MBNL2: variants seen among roughly 807,000 people sequenced by gnomAD.
MBNL2 encodes muscleblind-like protein 2.
A neutral mutation model predicts 41.9 loss-of-function variants in MBNL2; 17 were observed. That is an observed-to-expected ratio of 0.41 (90% CI 0.28 to 0.61). The LOEUF (loss-of-function observed/expected upper bound fraction) is 0.61. MBNL2 is among the 20% of genes least tolerant of loss of function. The probability of loss-of-function intolerance (pLI) is 0.35; values close to 1 mark genes in which losing one functional copy is unlikely to be tolerated. For synonymous variants in MBNL2, 195 were observed against 182.9 expected, an observed-to-expected ratio of 1.07 and a Z score of -0.53; for missense variants, 336 against 505.6, an observed-to-expected ratio of 0.66 and a Z score of 3.22.
intron 8 of MBNL2, among the ~76,000 whole-genome samples, chr13:97,377,306 G>T (rs2065050257): frequency 6.6e-6 from 1 of 152,192 alleles, no homozygotes; most frequent in Non-Finnish European, 1.5e-5. Flanking sequence ...ATGAGGAAAA[G>T]GACCTAGAGT....
At chr13:97,206,442 T>A in the MBNL2 span, among the ~76,000 whole-genome samples, 1 of 152,016 alleles carries the variant, frequency 6.6e-6, no homozygotes, top group Non-Finnish European at 1.5e-5. Flanking sequence ...AGCTCCTGAG[T>A]GTTGATAATT....
At chr13:97,382,755 A>G (rs888105926) in intron 8 of MBNL2, among the ~76,000 whole-genome samples, 5 of 150,732 alleles carry the variant, frequency 3.3e-5, no homozygotes, top group Admixed American at 1.3e-4. Flanking sequence ...GCTCACCACA[A>G]CCTCCAACCT....
At chr13:97,353,926 C>T (rs1448831458) in intron 5 of MBNL2, among the ~76,000 whole-genome samples, 3 of 151,424 alleles carry the variant, frequency 2.0e-5, no homozygotes, top group African/African-American at 4.9e-5. Context: ...AGTGGTAGCT[C>T]TGATCATTGT....
chr13:97,348,074 ATTT>A (rs71692187), intron 5 of MBNL2, among the ~76,000 whole-genome samples: 22,330 of 120,132 alleles, frequency 0.19, 3,345 homozygotes, highest in African/African-American at 0.43. Flanking sequence ...GGGCAGTGGG[ATTT>A]TTTTTTTTTT....
chr13:97,243,755 G>A (rs2044816622), intron 1 of MBNL2, among the ~76,000 whole-genome samples: 1 of 152,058 alleles, frequency 6.6e-6, no homozygotes. Context: ...AACAACAAAC[G>A]AATTAAGAGC....
At chr13:97,261,442 G>A (rs1184806102) in intron 1 of MBNL2, among the ~76,000 whole-genome samples, 1 of 152,104 alleles carries the variant, frequency 6.6e-6, no homozygotes, top group East Asian at 1.9e-4. Flanking sequence ...TCATACCTCA[G>A]GCCTTTTTGT....
chr13:97,203,267 T>A, the MBNL2 span, among the ~76,000 whole-genome samples: 1 of 152,220 alleles, frequency 6.6e-6, no homozygotes, highest in Non-Finnish European at 1.5e-5. Context: ...TAAACACTAT[T>A]ATGTGTATAG....
intron 3 of MBNL2, among the ~76,000 whole-genome samples, chr13:97,341,606 A>G (rs2061446080): frequency 6.6e-6 from 1 of 152,190 alleles, no homozygotes; most frequent in South Asian, 2.1e-4. Flanking sequence ...TCTGAGCCAT[A>G]GAGATCTAAC....
At chr13:97,179,791 A>G in the MBNL2 span, among the ~76,000 whole-genome samples, 14,540 of 152,242 alleles carry the variant, frequency 0.096, 764 homozygotes, top group South Asian at 0.17. Context: ...GAAAAGGAGC[A>G]TGGAATGTCA....
intron 2 of MBNL2, among the ~76,000 whole-genome samples, chr13:97,329,638 CA>C (rs1265347123): frequency 0.052 from 6 of 116 alleles, no homozygotes; most frequent in Non-Finnish European, 0.069. Context: ...AGACACACAA[CA>C]CACACACAAT....
the MBNL2 span, among the ~76,000 whole-genome samples, chr13:97,149,270 A>G: frequency 6.6e-6 from 1 of 152,174 alleles, no homozygotes; most frequent in African/African-American, 2.4e-5. Flanking sequence ...GAAGTTTAAT[A>G]CCTTGTCTTA....
intron 2 of MBNL2, 69 bp downstream of exon 2, chr13:97,276,478 C>T (rs908044205): frequency 1.4e-6 from 2 of 1,398,412 alleles, no homozygotes; most frequent in Non-Finnish European, 2.0e-6. Flanking sequence ...CTTTTCATTG[C>T]ATTTTTACAG....
At chr13:97,339,880 G>GA (rs1232804221) in intron 3 of MBNL2, among the ~76,000 whole-genome samples, 1 of 147,032 alleles carries the variant, frequency 6.8e-6, no homozygotes, top group East Asian at 2.0e-4. Flanking sequence ...TGGGCGGGGG[G>GA]GGCGTTGTTT....
upstream of MBNL2, among the ~76,000 whole-genome samples, chr13:97,219,180 A>G (rs2152755568): frequency 6.6e-6 from 1 of 152,278 alleles, no homozygotes. Flanking sequence ...GGAGATTTGC[A>G]TGCACATTAA....
At chr13:97,338,864 T>C (rs1044020939) in intron 3 of MBNL2, among the ~76,000 whole-genome samples, 12 of 152,170 alleles carry the variant, frequency 7.9e-5, no homozygotes, top group African/African-American at 2.9e-4. Context: ...AGACGCATTC[T>C]AAACGAGTGG....
rs1375500716 is a variant in MBNL2, at chr13:97,394,062, A to G, written c.*2613A>G. 1 of 152,586 alleles carries G rather than the reference A, an allele frequency of 6.6e-6. No homozygotes were observed. The highest frequency in any genetic ancestry group is 1.5e-5 in the Non-Finnish European group (1 of 68,014). The allele number at this position is 152,586 out of a possible 1,614,324, so 9.5% of individuals were successfully genotyped here. On this transcript the variant is annotated 3_prime_UTR_variant, in exon 9 of 9. Transcript: ENST00000679496. ...TGTATCAATACTATGTTTTGGTTGT[A>G]ATATTCAGTTCACTCACCCAATGTA...
At chr13:97,269,971 C>G (rs566493875) in intron 1 of MBNL2, among the ~76,000 whole-genome samples, 1 of 152,168 alleles carries the variant, frequency 6.6e-6, no homozygotes, top group African/African-American at 2.4e-5. Flanking sequence ...TTTTATATTT[C>G]CACTATAATC....
chr13:97,154,403 C>T, the MBNL2 span, among the ~76,000 whole-genome samples: 37 of 152,118 alleles, frequency 2.4e-4, no homozygotes, highest in Non-Finnish European at 3.8e-4. Context: ...CAACCTCCAC[C>T]TCTCGGATTC....
chr13:97,164,924 G>C, the MBNL2 span, among the ~76,000 whole-genome samples: 1 of 152,106 alleles, frequency 6.6e-6, no homozygotes, highest in African/African-American at 2.4e-5. Context: ...AGAAAACAAG[G>C]CTGGGCGTGG....
Sources: gnomAD v4.1 joint callset for allele counts (sites outside exome capture counted in the v4.1 genomes callset) on GRCh38, gnomAD v4.1.1 for gene constraint, MANE v1.5 for transcripts, NCBI Gene and HGNC (gene_info 2026-07-23, HGNC 2026-07-21) for gene names.